OBP2B: variants seen among roughly 807,000 people sequenced by gnomAD.
The protein encoded by OBP2B is odorant binding protein 2B, also known as odorant-binding protein 2b.
A neutral mutation model predicts 21.7 loss-of-function variants in OBP2B; 10 were observed. That is an observed-to-expected ratio of 0.46 (90% CI 0.28 to 0.78). The LOEUF (loss-of-function observed/expected upper bound fraction) is 0.78, where lower values mean the gene tolerates loss of function less well. OBP2B is among the 30% of genes least tolerant of loss of function. The pLI, the probability that OBP2B is intolerant of heterozygous loss-of-function variation, is 0.11. For missense variants in OBP2B, 153 were observed against 217.7 expected (o/e 0.70, Z 1.87); for synonymous variants, 73 against 91.5 (o/e 0.80, Z 1.16).
upstream of OBP2B, among the ~76,000 whole-genome samples, chr9:133,209,437 C>T (rs1833863146): frequency 6.6e-6 from 1 of 152,138 alleles, no homozygotes; most frequent in Non-Finnish European, 1.5e-5. The surrounding 1 kb of genome is among the most constrained non-coding windows in gnomAD (Gnocchi z 6.0). Context: ...CACACGATGC[C>T]ATCCAGAGTT....
chr9:133,205,907 G>A lies in OBP2B; in HGVS notation c.*1+10C>T, dbSNP rs782267708. The stretch of plus-strand genomic sequence containing the variant: ...GGGCTTGTCCAGTGCCCTCCTAAAG[G>A]CTCACTCACCCTAGTGTTCGGGAAC... On this transcript the variant is annotated intron_variant, in intron 6 of 6. Transcript: ENST00000372034. 5.6e-6 allele frequency: 9 copies of A among 1,613,726 alleles called. No individual in the cohort carries two copies. The highest frequency in any genetic ancestry group is 1.3e-5 in the African/African-American group (1 of 74,910).
the OBP2B span, among the ~76,000 whole-genome samples, chr9:133,216,968 T>C: frequency 2.0e-5 from 3 of 150,616 alleles, no homozygotes; most frequent in Non-Finnish European, 4.4e-5. Context: ...ACAATAAGCA[T>C]AAATGCTTAA....
chr9:133,220,005 G>T, the OBP2B span, among the ~76,000 whole-genome samples: 1 of 152,206 alleles, frequency 6.6e-6, no homozygotes, highest in Non-Finnish European at 1.5e-5. Flanking sequence ...CTAAGGGAAA[G>T]AAACCAGGCA....
intron 5 of OBP2B, 81 bp from the exon 6 acceptor site, chr9:133,206,021 G>T: frequency 1.3e-6 from 2 of 1,588,714 alleles, no homozygotes; most frequent in East Asian, 4.5e-5. Context: ...AGAGCTCAGA[G>T]CCCCAGAGCC....
chr9:133,207,200 C>T (rs1833751239), intron 4 of OBP2B, 26 bp downstream of exon 4: 1 of 1,483,348 alleles, frequency 6.7e-7, no homozygotes, highest in Non-Finnish European at 9.4e-7. Flanking sequence ...TGGGGCAGGA[C>T]ACGCAGACCC....
At chr9:133,207,757 C>T (rs1379793438) in intron 3 of OBP2B, 1 of 952,414 alleles carries the variant, frequency 1.0e-6, no homozygotes, top group African/African-American at 1.6e-5. Flanking sequence ...CGTCCCTAAC[C>T]CTCAGCCTCC....
the OBP2B span, among the ~76,000 whole-genome samples, chr9:133,220,991 T>G: frequency 1.4e-4 from 22 of 152,192 alleles, no homozygotes; most frequent in African/African-American, 5.1e-4. Flanking sequence ...GACAGACTCC[T>G]GCCCAAGAGC....
In OBP2B at chr9:133,208,574, A is replaced by G. The variant is rs782249293; in HGVS notation, c.101T>C (p.Met34Thr). Reference protein sequence around the residue: ...DITGTWYVKAMVVDKDFPEDR... With the variant: ...DITGTWYVKATVVDKDFPEDR... ...CTCCGGAAAGTCCTTATCGACCACCATGGCCTTCACGTACCAGGTCCCTGT... is the reference window on the plus strand; with the variant it reads ...CTCCGGAAAGTCCTTATCGACCACCGTGGCCTTCACGTACCAGGTCCCTGT... Residue 34 changes from methionine (M) to threonine (T), a missense_variant, in exon 2 of 7, where the codon ATG becomes ACG. Transcript: ENST00000372034. The G allele has an allele frequency of 1.3e-5, 21 of 1,611,996 alleles. No homozygotes were observed. The South Asian group carries it at 2.3e-4, about 18-fold the overall frequency.
At chr9:133,217,552 A>G in the OBP2B span, among the ~76,000 whole-genome samples, 1 of 152,128 alleles carries the variant, frequency 6.6e-6, no homozygotes, top group Admixed American at 6.5e-5. Flanking sequence ...GGCGGCACAC[A>G]CCACATTGAA....
chr9:133,208,322 G>A (rs1211652263), intron 2 of OBP2B, 119 bp from the exon 3 acceptor site: 56 of 1,598,470 alleles, frequency 3.5e-5, no homozygotes, highest in South Asian at 3.0e-4. Flanking sequence ...CCACCCCACC[G>A]AGCTTCAGGA....
At chr9:133,215,424 C>A in the OBP2B span, among the ~76,000 whole-genome samples, 1 of 152,096 alleles carries the variant, frequency 6.6e-6, no homozygotes, top group Non-Finnish European at 1.5e-5. Context: ...ATTATTCTAA[C>A]ATTTATATGG....
the OBP2B span, among the ~76,000 whole-genome samples, chr9:133,220,442 T>C: frequency 6.6e-6 from 1 of 152,234 alleles, no homozygotes; most frequent in African/African-American, 2.4e-5. Flanking sequence ...TGATTGCCAG[T>C]TCCCCCCATG....
At chr9:133,221,426 G>C in the OBP2B span, among the ~76,000 whole-genome samples, 1 of 152,180 alleles carries the variant, frequency 6.6e-6, no homozygotes, top group African/African-American at 2.4e-5. Context: ...GATAGAAAAT[G>C]GGATACTCTT....
the OBP2B span, among the ~76,000 whole-genome samples, chr9:133,214,534 T>G: frequency 2.8e-4 from 42 of 152,380 alleles, no homozygotes; most frequent in Admixed American, 1.8e-3. Flanking sequence ...ATTAATCGTC[T>G]GTCCAGAGGT....
At chr9:133,214,600 C>A in the OBP2B span, among the ~76,000 whole-genome samples, 1 of 152,116 alleles carries the variant, frequency 6.6e-6, no homozygotes, top group Non-Finnish European at 1.5e-5. Flanking sequence ...TGTAACTCCC[C>A]CTAAGAGGGA....
At chr9:133,210,715 G>C (rs575923633), upstream of OBP2B, among the ~76,000 whole-genome samples, 23 of 152,320 alleles carry the variant, frequency 1.5e-4, 1 homozygote, top group South Asian at 4.6e-3. Flanking sequence ...TCTCCCATGA[G>C]GTCCACGCTC....
intron 1 of OBP2B, 118 bp from the exon 2 acceptor site, chr9:133,208,720 G>T: frequency 6.7e-7 from 1 of 1,502,796 alleles, no homozygotes; most frequent in Non-Finnish European, 8.9e-7. Flanking sequence ...GCCCTTAAAG[G>T]CAGGCTGTGT....
At chr9:133,205,615 G>A in intron 6 of OBP2B, 1 of 606,364 alleles carries the variant, frequency 1.6e-6, no homozygotes. Context: ...GGACCGCGTG[G>A]GGACAGGTGC....
the OBP2B span, among the ~76,000 whole-genome samples, chr9:133,217,239 G>T: frequency 1.3e-5 from 2 of 152,120 alleles, no homozygotes; most frequent in African/African-American, 4.8e-5. Flanking sequence ...GTGCTCGGGG[G>T]GCTTATATTC....
Sources: allele counts gnomAD v4.1 joint callset (sites outside exome capture counted in the v4.1 genomes callset), GRCh38; gene constraint gnomAD v4.1.1; non-coding constraint Gnocchi (gnomAD v3.1); transcripts MANE v1.5; gene names NCBI Gene and HGNC (gene_info 2026-07-23, HGNC 2026-07-21).